The following DYRK3 variants were observed in gnomAD, a reference collection of about 807,000 sequenced individuals.
DYRK3 encodes dual specificity tyrosine-phosphorylation-regulated kinase 3.
Under a neutral mutation model 40.8 loss-of-function variants are expected in DYRK3, and 30 were observed. That is an observed-to-expected ratio of 0.74 (90% CI 0.55 to 1.00). The LOEUF (loss-of-function observed/expected upper bound fraction) is 1.00. Ranked by LOEUF, DYRK3 falls within the 50% of genes least tolerant of loss-of-function variation. The pLI is 0.00. For missense variants in DYRK3, 699 were observed against 731.5 expected (o/e 0.96, Z 0.51); for synonymous variants, 272 against 260.7 (o/e 1.04, Z -0.42).
In DYRK3 at chr1:206,648,366, A is replaced by G. The variant is rs782613701; in HGVS notation, c.1168A>G (p.Ile390Val). Reference sequence around the variant, plus strand: ...CTTAGGAAGCCGCTACAGCACACCAATTGACATATGGAGTTTTGGCTGCAT... The same window carrying G: ...CTTAGGAAGCCGCTACAGCACACCAGTTGACATATGGAGTTTTGGCTGCAT... ...IILGSRYSTP[I>V]DIWSFGCILA... is the part of the protein sequence containing the mutation. Residue 390 changes from isoleucine to valine, a missense_variant, in exon 3 of 3, where the codon ATT (isoleucine) becomes GTT (valine). By Grantham distance (29) the Ile-to-Val change is conservative. Transcript: ENST00000367109. The G allele has an allele frequency of 2.5e-6, 4 of 1,614,118 alleles. No homozygotes were observed. In the East Asian group the frequency reaches 8.9e-5, roughly 36 times the overall value.
Position 206,652,592 on chromosome 1 carries a change from T to TG in DYRK3, c.*3629dup, listed in dbSNP as rs1173897859. Among the ~76,000 whole-genome samples, 2 of 152,318 alleles carry TG rather than the reference T, an allele frequency of 1.3e-5. No homozygotes were observed. Among genetic ancestry groups the TG allele is most frequent in the Non-Finnish European group, 2.9e-5 (2 of 68,018 alleles). On this transcript the variant is annotated 3_prime_UTR_variant, in exon 3 of 3. Coordinates refer to ENST00000367109, the MANE Select transcript of DYRK3 (RefSeq NM_003582.4). ...TGATGCAGAGCAGAGTCATTGAAGT[T>TG]GGCATACCTGTCTTCTGCAGGCCAA...
intron 2 of DYRK3, among the ~76,000 whole-genome samples, chr1:206,644,683 G>A (rs1252067430): frequency 6.6e-6 from 1 of 152,178 alleles, no homozygotes; most frequent in Admixed American, 6.5e-5. Flanking sequence ...GGGAATGCAG[G>A]TGCGCGCCAC....
chr1:206,649,263 C>T lies in DYRK3; in HGVS notation c.*298C>T. ...ATACTATTGGTTTAAATCTCTTTCT[C>T]TCAAGATAGAAGGTGTAGCAAAAGT... On this transcript the variant is annotated 3_prime_UTR_variant, in exon 3 of 3. Transcript: ENST00000367109. 1 of 276,546 alleles carries T rather than the reference C, an allele frequency of 3.6e-6. No homozygotes were observed. The highest frequency in any genetic ancestry group is 5.2e-5 in the South Asian group (1 of 19,238). The allele number at this position is 276,546 out of a possible 1,614,324, so 17.1% of individuals were successfully genotyped here.
chr1:206,655,131 AAAAAAT>A lies in DYRK3; in HGVS notation c.*6173_*6178del, dbSNP rs1351827669. Among the ~76,000 whole-genome samples, 5 of 152,162 alleles carry A rather than the reference AAAAAAT, an allele frequency of 3.3e-5. No homozygotes were observed. Among genetic ancestry groups the A allele is most frequent in the Non-Finnish European group, 5.9e-5 (4 of 68,026 alleles). On this transcript the variant is annotated 3_prime_UTR_variant, in exon 3 of 3. Transcript: ENST00000367109. The stretch of plus-strand genomic sequence containing the variant: ...GGTTTTTTATTTTGGGGTGTTTTTT[AAAAAAT>A]AAAAATGAATTGCTTTGAGAATTTT...
rs1472010581 is a variant in DYRK3, at chr1:206,650,054, C to G, written c.*1089C>G. ...AATCAAGTTTTCCCTTTTTATGTTT[C>G]TTAATTTTATTCTCTTCAACAGCTT... On this transcript the variant is annotated 3_prime_UTR_variant, in exon 3 of 3. Coordinates refer to ENST00000367109, the MANE Select transcript of DYRK3 (RefSeq NM_003582.4). Among the ~76,000 whole-genome samples, 2 of 152,168 alleles carry G rather than the reference C, an allele frequency of 1.3e-5. No homozygotes were observed. The highest frequency in any genetic ancestry group is 4.8e-5 in the African/African-American group (2 of 41,444).
In DYRK3 at chr1:206,648,607, G is replaced by A. The variant is rs145519561; in HGVS notation, c.1409G>A (p.Arg470His). 481 of 1,613,930 alleles carry A rather than the reference G, an allele frequency of 3.0e-4. 1 individual carries two copies. The highest frequency in any genetic ancestry group is 1.3e-3 in the African/African-American group (96 of 75,040). ...GRVVLVGGRS[R>H]RGKKRGPPGS... Reference sequence around the variant, plus strand: ...GTTGTGCTTGTGGGGGGTCGCTCACGTAGGGGTAAAAAGCGGGGTCCCCCA... The same window carrying A: ...GTTGTGCTTGTGGGGGGTCGCTCACATAGGGGTAAAAAGCGGGGTCCCCCA... Residue 470 changes from arginine (R) to histidine (H), a missense_variant, in exon 3 of 3, where the codon CGT becomes CAT. Physicochemically the swap from Arg to His is conservative, Grantham distance 29 (BLOSUM62 0). Transcript: ENST00000367109.
intron 2 of DYRK3, among the ~76,000 whole-genome samples, chr1:206,645,991 A>C (rs1201495988): frequency 1.3e-5 from 2 of 152,140 alleles, no homozygotes. Flanking sequence ...CTGGGATTAC[A>C]GGTGTGCACC....
intron 2 of DYRK3, among the ~76,000 whole-genome samples, chr1:206,643,522 C>T (rs1671347867): frequency 6.6e-6 from 1 of 152,182 alleles, no homozygotes; most frequent in Non-Finnish European, 1.5e-5. Flanking sequence ...ACCACAAATA[C>T]CTTTCCTAAC....
rs781985906 is a variant in DYRK3, at chr1:206,648,293, G to GCT, written c.1098_1099dup (p.Tyr367SerfsTer17). The GCT allele has an allele frequency of 1.3e-5, 21 of 1,613,990 alleles. No homozygotes were observed. Among genetic ancestry groups the GCT allele is most frequent in the Admixed American group, 1.7e-5 (1 of 59,984 alleles). ...GGTCCAGCTGTTTCGAGTACCAGAA[G>GCT]CTCTACACATATATCCAGTCTCGGT... On this transcript the variant is annotated frameshift_variant, in exon 3 of 3. Coordinates refer to ENST00000367109, the MANE Select transcript of DYRK3 (RefSeq NM_003582.4). LOFTEE classifies it high-confidence loss of function.
Position 206,637,688 on chromosome 1 carries a change from A to T in DYRK3, c.116A>T (p.Asp39Val), listed in dbSNP as rs1671154687. 3 of 1,614,122 alleles carry T rather than the reference A, an allele frequency of 1.9e-6. No homozygotes were observed. The highest frequency in any genetic ancestry group is 2.7e-5 in the African/African-American group (2 of 75,050). The change falls in exon 2 of 3, where the codon GAT (aspartate) becomes GTT (valine). Residue 39 changes from aspartate (D) to valine (V), a missense_variant. Asp to Val is a radical substitution (Grantham distance 152). Coordinates refer to ENST00000367109, the MANE Select transcript of DYRK3 (RefSeq NM_003582.4). ...GTCTATGACACCTTCATGATGATAGATGAAACCAAATGTCCCCCCTGTTCA... is the reference window on the plus strand; with the variant it reads ...GTCTATGACACCTTCATGATGATAGTTGAAACCAAATGTCCCCCCTGTTCA... ...DGVYDTFMMI[D>V]ETKCPPCSNV...
rs1553420382 is a variant in DYRK3 at position 206,647,760 on chromosome 1, G to A, written c.562G>A (p.Gly188Arg). The A allele has an allele frequency of 8.1e-6, 13 of 1,613,996 alleles. No individual in the cohort carries two copies. The highest frequency in any genetic ancestry group is 2.2e-5 in the East Asian group (1 of 44,900). Residue 188 changes from glycine (G) to arginine (R), a missense_variant, in exon 3 of 3, where the codon GGA becomes AGA. Coordinates refer to ENST00000367109, the MANE Select transcript of DYRK3 (RefSeq NM_003582.4). The stretch of plus-strand genomic sequence containing the variant: ...TGGAGTTATTGGTGGTCCCAATAAT[G>A]GAGGGTATGATGATGCAGATGGGGC... ...RHGVIGGPNNGGYDDADGAYI... is the reference protein window; with the variant it reads ...RHGVIGGPNNRGYDDADGAYI...
At position 206,650,843 on chromosome 1, in the gene DYRK3, C is replaced by T. The variant is rs1302202316; in HGVS notation, c.*1878C>T. On this transcript the variant is annotated 3_prime_UTR_variant, in exon 3 of 3. Coordinates refer to ENST00000367109, the MANE Select transcript of DYRK3 (RefSeq NM_003582.4). ...AATGTCCACAGTGGCTTTAGTCTCC[C>T]AAGTACAAGGGCCAGATGGCAGAGA... 1.3e-5 allele frequency among the ~76,000 whole-genome samples: 2 copies of T among 152,180 alleles called. No homozygotes were observed. The highest frequency in any genetic ancestry group is 6.5e-5 in the Admixed American group (1 of 15,286).
rs1671668908 is a variant in DYRK3, at chr1:206,652,967, A to G, written c.*4002A>G. On this transcript the variant is annotated 3_prime_UTR_variant, in exon 3 of 3. Coordinates refer to ENST00000367109, the MANE Select transcript of DYRK3 (RefSeq NM_003582.4). ...TTTTAATTTCCAAGTTGTTTCTGAC[A>G]CGGTGAGAGTTGGGTTAGAATTTTT... Among the ~76,000 whole-genome samples, 2 of 152,196 alleles carry G rather than the reference A, an allele frequency of 1.3e-5. No homozygotes were observed. The highest frequency in any genetic ancestry group is 2.4e-5 in the African/African-American group (1 of 41,448).
intron 1 of DYRK3, chr1:206,636,066 G>A: frequency 6.5e-7 from 1 of 1,535,056 alleles, no homozygotes; most frequent in Non-Finnish European, 8.8e-7. Flanking sequence ...ATATGTTAAG[G>A]GATTACGAAA....
Position 206,647,416 on chromosome 1 carries a change from A to G in DYRK3, c.218A>G (p.His73Arg), listed in dbSNP as rs1553420271. Residue 73 changes from histidine to arginine, a missense_variant, in exon 3 of 3, where the codon CAT (histidine) becomes CGT (arginine). By Grantham distance (29) the His-to-Arg change is conservative (BLOSUM62 0). Transcript: ENST00000367109. Reference sequence around the variant, plus strand: ...ACCACTGAGCAGTTTACAGGAGATCATACTCAGCACTTTTTGGATGGAGGT... The same window carrying G: ...ACCACTGAGCAGTTTACAGGAGATCGTACTCAGCACTTTTTGGATGGAGGT... ...NMTTEQFTGD[H>R]TQHFLDGGEM... 1 of 1,613,522 alleles carries G rather than the reference A, an allele frequency of 6.2e-7. No homozygotes were observed.
At position 206,649,193 on chromosome 1, in the gene DYRK3, A is replaced by G. The variant is rs1218689971; in HGVS notation, c.*228A>G. 6 of 495,660 alleles carry G rather than the reference A, an allele frequency of 1.2e-5. No homozygotes were observed. Among genetic ancestry groups the G allele is most frequent in the East Asian group, 1.0e-4 (3 of 29,932 alleles). 30.7% of individuals were successfully genotyped at this position (495,660 alleles called of 1,614,324 possible). Reference sequence around the variant, plus strand: ...GCATTAAATGACTTTTTATAGGTCAATGCATCTTTGTTATTATCGTCAGAT... The same window carrying G: ...GCATTAAATGACTTTTTATAGGTCAGTGCATCTTTGTTATTATCGTCAGAT... On this transcript the variant is annotated 3_prime_UTR_variant, in exon 3 of 3. Coordinates refer to ENST00000367109, the MANE Select transcript of DYRK3 (RefSeq NM_003582.4).
At chr1:206,635,997 G>A in intron 1 of DYRK3, 1 of 1,403,498 alleles carries the variant, frequency 7.1e-7, no homozygotes, top group South Asian at 1.6e-5. Context: ...GGGCTAGAGC[G>A]GAGTTAGAGC....
At chr1:206,646,523 C>T (rs952132062) in intron 2 of DYRK3, among the ~76,000 whole-genome samples, 2 of 152,170 alleles carry the variant, frequency 1.3e-5, no homozygotes, top group Non-Finnish European at 2.9e-5. Flanking sequence ...CTTGGACCCT[C>T]ACTGTTATCA....
intron 2 of DYRK3, 49 bp downstream of exon 2, chr1:206,637,810 G>A: frequency 6.8e-7 from 1 of 1,463,462 alleles, no homozygotes; most frequent in Admixed American, 1.7e-5. Context: ...TGGAAAGGAG[G>A]AAGTGCTACT....
Sources: gnomAD v4.1 joint callset for allele counts (sites outside exome capture counted in the v4.1 genomes callset) on GRCh38, gnomAD v4.1.1 for gene constraint, MANE v1.5 for transcripts, NCBI Gene and HGNC (gene_info 2026-07-23, HGNC 2026-07-21) for gene names.